The following STARD10 variants were observed in gnomAD, a reference collection of about 807,000 sequenced individuals.
The protein encoded by STARD10 is START domain-containing protein 10.
STARD10 carries 24 observed loss-of-function variants against 36.0 expected under a neutral mutation model. That is an observed-to-expected ratio of 0.67 (90% CI 0.48 to 0.94). The LOEUF is 0.94. STARD10 is among the 40% of genes least tolerant of loss of function. The pLI, the probability that STARD10 is intolerant of heterozygous loss-of-function variation, is 0.00. For missense variants in STARD10, 335 were observed against 396.6 expected (o/e 0.84, Z 1.32); for synonymous variants, 156 against 161.9 (o/e 0.96, Z 0.28).
Position 72,754,778 on chromosome 11 carries a change from C to G in STARD10, c.*119G>C, listed in dbSNP as rs1441477786. On this transcript the variant is annotated 3_prime_UTR_variant, in exon 7 of 7. Coordinates refer to ENST00000334805, the MANE Select transcript of STARD10 (RefSeq NM_006645.3). ...GGCTCTGTCCAGCCAGGCTGCAGCA[C>G]CCGCCTGGGCCTGGCCCGGTGCCAC... 1 of 1,439,628 alleles carries G rather than the reference C, an allele frequency of 6.9e-7. No homozygotes were observed. Among genetic ancestry groups the G allele is most frequent in the East Asian group, 2.5e-5 (1 of 40,152 alleles). The allele number at this position is 1,439,628 out of a possible 1,614,324, so 89.2% of individuals were successfully genotyped here.
chr11:72,791,295 G>A (rs537169001), intron 1 of STARD10, among the ~76,000 whole-genome samples: 13 of 152,186 alleles, frequency 8.5e-5, no homozygotes, highest in African/African-American at 3.1e-4. Flanking sequence ...AGTCCTTCTC[G>A]GAGTATACAT....
At chr11:72,763,027 C>T (rs1858740905) in intron 2 of STARD10, among the ~76,000 whole-genome samples, 1 of 152,066 alleles carries the variant, frequency 6.6e-6, no homozygotes, top group Non-Finnish European at 1.5e-5. Context: ...TTTTGGACAC[C>T]GGAACCAGCT....
At chr11:72,755,205 C>A (rs554150926) in intron 6 of STARD10, 63 bp from the exon 7 acceptor site, 36 of 1,518,214 alleles carry the variant, frequency 2.4e-5, no homozygotes, top group Middle Eastern at 1.9e-4. Context: ...TCCACACCCC[C>A]CTCCAGCGGC....
intron 4 of STARD10, 152 bp downstream of exon 4, chr11:72,758,378 G>A (rs1030913641): frequency 4.5e-6 from 3 of 666,768 alleles, no homozygotes; most frequent in Non-Finnish European, 8.1e-6. Flanking sequence ...AGCAGGGAGA[G>A]AGGAGCCATT....
chr11:72,788,889 T>C (rs1490225256), intron 1 of STARD10, among the ~76,000 whole-genome samples: 1 of 152,128 alleles, frequency 6.6e-6, no homozygotes, highest in Non-Finnish European at 1.5e-5. Context: ...AGGATCTTGC[T>C]CTGTTGCCCA....
At chr11:72,765,816 C>CAAAAAAAAAAAAAAAAAAAAAAA (rs752801080) in intron 2 of STARD10, among the ~76,000 whole-genome samples, 32 of 118,108 alleles carry the variant, frequency 2.7e-4, no homozygotes, top group African/African-American at 4.2e-4. Context: ...ACTAAAAATA[C>CAAAAAAAAAAAAAAAAAAAAAAA]AAAAAAAAAA....
chr11:72,778,501 T>G (rs980190983), intron 2 of STARD10, among the ~76,000 whole-genome samples: 2 of 152,188 alleles, frequency 1.3e-5, no homozygotes, highest in African/African-American at 2.4e-5. Flanking sequence ...GAGCTCCAAC[T>G]AGCTGTGCTG....
rs563964000 is a variant in STARD10 at position 72,790,915 on chromosome 11, G to T, written c.-114+1960C>A. 5.3e-5 allele frequency among the ~76,000 whole-genome samples: 8 copies of T among 152,314 alleles called. No homozygotes were observed. The South Asian group carries it at 1.4e-3, about 28-fold the overall frequency. ...GGTATCTAGAGATGGTCAGACCTGG[G>T]GCTGCTGCTTCTCTGCCCCTGCATT... On this transcript the variant is annotated intron_variant, in intron 1 of 6. Coordinates refer to ENST00000334805, the MANE Select transcript of STARD10 (RefSeq NM_006645.3).
At chr11:72,778,584 G>T (rs945048818) in intron 2 of STARD10, among the ~76,000 whole-genome samples, 1 of 152,174 alleles carries the variant, frequency 6.6e-6, no homozygotes, top group Non-Finnish European at 1.5e-5. Flanking sequence ...CTGGGTCTGG[G>T]CTCTGCTCAC....
At chr11:72,768,992 G>T (rs1858826523) in intron 2 of STARD10, among the ~76,000 whole-genome samples, 1 of 152,228 alleles carries the variant, frequency 6.6e-6, no homozygotes, top group African/African-American at 2.4e-5. Context: ...AATTCAGAAG[G>T]AGGTGCAGCC....
In STARD10 at chr11:72,757,811, G is replaced by A; in HGVS notation, c.533C>T (p.Pro178Leu). 1 of 1,614,196 alleles carries A rather than the reference G, an allele frequency of 6.2e-7. No homozygotes were observed. Residue 178 changes from proline (P) to leucine (L), a missense_variant, in exon 5 of 7, where the codon CCC (proline) becomes CTC (leucine). Pro to Leu is a moderately conservative substitution (Grantham distance 98). Coordinates refer to ENST00000334805, the MANE Select transcript of STARD10 (RefSeq NM_006645.3). Reference sequence around the variant, plus strand: ...CAGGTAGGTGATGACGCAGCTCTTGGGCCCTGTGCTCTGGATGAGGTAGCC... The same window carrying A: ...CAGGTAGGTGATGACGCAGCTCTTGAGCCCTGTGCTCTGGATGAGGTAGCC... ...QTGYLIQSTG[P>L]KSCVITYLAQ... is the part of the protein sequence containing the mutation.
chr11:72,758,008 T>C, intron 4 of STARD10, 124 bp from the exon 5 acceptor site: 1 of 863,740 alleles, frequency 1.2e-6, no homozygotes, highest in South Asian at 1.5e-5. Flanking sequence ...TGACATCTGT[T>C]ACAGATCAGT....
intron 2 of STARD10, chr11:72,780,295 G>A (rs983875615): frequency 2.3e-5 from 9 of 390,032 alleles, no homozygotes; most frequent in African/African-American, 4.2e-5. Flanking sequence ...GGCTGTGAGC[G>A]ACTGATGTGT....
rs1030103171 is a variant in STARD10, at chr11:72,786,590, G to A, written c.-113-5296C>T. On this transcript the variant is annotated intron_variant, in intron 1 of 6. Coordinates refer to ENST00000334805, the MANE Select transcript of STARD10 (RefSeq NM_006645.3). ...TGCTGGAGCCTCAGGGAGCCACACT[G>A]TAGTGCGCAGCCTCAAAGTCAGTGC... Among the ~76,000 whole-genome samples the A allele has an allele frequency of 2.5e-4, 38 of 152,292 alleles. 1 individual carries two copies. The highest frequency in any genetic ancestry group is 8.2e-4 in the African/African-American group (34 of 41,552).
intron 2 of STARD10, among the ~76,000 whole-genome samples, chr11:72,779,539 G>C (rs1349318492): frequency 6.6e-6 from 1 of 152,058 alleles, no homozygotes; most frequent in Non-Finnish European, 1.5e-5. Flanking sequence ...AGTGAGCTAA[G>C]ATCTCGCTAC....
chr11:72,759,099 C>G, intron 3 of STARD10, 135 bp downstream of exon 3: 2 of 1,067,376 alleles, frequency 1.9e-6, no homozygotes, highest in Non-Finnish European at 2.7e-6. Flanking sequence ...GAGGGCAGCT[C>G]TATCTCTCAG....
At chr11:72,784,169 A>T (rs745315546) in intron 1 of STARD10, among the ~76,000 whole-genome samples, 3 of 152,174 alleles carry the variant, frequency 2.0e-5, no homozygotes, top group Admixed American at 6.5e-5. Context: ...AAGCCCATTC[A>T]TATCCTTCTC....
intron 2 of STARD10, among the ~76,000 whole-genome samples, chr11:72,767,079 AG>A (rs1174334437): frequency 2.6e-5 from 4 of 152,190 alleles, no homozygotes; most frequent in African/African-American, 9.7e-5. Context: ...TTGTGATGAG[AG>A]TAACTGTTAA....
chr11:72,781,696 G>A lies in STARD10; in HGVS notation c.-113-402C>T, dbSNP rs1158356804. The stretch of plus-strand genomic sequence containing the variant: ...CGCCGCTCCGCCGGGGCCCGCCGGG[G>A]CCGGGGTGCCAGCGCCGCCGCCGCA... On this transcript the variant is annotated intron_variant, in intron 1 of 6. Coordinates refer to ENST00000334805, the MANE Select transcript of STARD10 (RefSeq NM_006645.3). The surrounding 1 kb of genome is among the most constrained non-coding windows in gnomAD (Gnocchi z 4.7). 6.8e-6 allele frequency: 1 copy of A among 148,014 alleles called. No homozygotes were observed. Among genetic ancestry groups the A allele is most frequent in the Non-Finnish European group, 1.5e-5 (1 of 66,368 alleles). 9.2% of individuals were successfully genotyped at this position (148,014 alleles called of 1,614,324 possible).
Sources: allele counts gnomAD v4.1 joint callset (sites outside exome capture counted in the v4.1 genomes callset), GRCh38; gene constraint gnomAD v4.1.1; non-coding constraint Gnocchi (gnomAD v3.1); transcripts MANE v1.5; gene names NCBI Gene and HGNC (gene_info 2026-07-23, HGNC 2026-07-21).